The following SUPT3H variants were observed in gnomAD, a reference collection of about 807,000 sequenced individuals.
SUPT3H encodes transcription initiation protein SPT3 homolog.
Under a neutral mutation model 44.3 loss-of-function variants are expected in SUPT3H, and 44 were observed. The ratio of observed to expected loss-of-function variants is 0.99; its 90% CI spans 0.78 to 1.28. SUPT3H has a LOEUF of 1.28. Ranked by LOEUF, SUPT3H falls within the 50% of genes most tolerant of loss-of-function variation. The pLI, the probability that SUPT3H is intolerant of heterozygous loss-of-function variation, is 0.00. For synonymous variants in SUPT3H, 124 were observed against 125.6 expected, an observed-to-expected ratio of 0.99 and a Z score of 0.09; for missense variants, 380 against 387.1, an observed-to-expected ratio of 0.98 and a Z score of 0.15.
chr6:45,092,554 A>T (rs1797265914), intron 3 of SUPT3H, among the ~76,000 whole-genome samples: 2 of 152,158 alleles, frequency 1.3e-5, no homozygotes, highest in Non-Finnish European at 2.9e-5. Context: ...GTTCTAGACC[A>T]GCCTGGCCAA....
chr6:45,173,714 G>C (rs1411946983), intron 2 of SUPT3H, among the ~76,000 whole-genome samples: 6 of 152,286 alleles, frequency 3.9e-5, no homozygotes, highest in Middle Eastern at 3.4e-3. Context: ...TCAGCATAGA[G>C]CCAGAAAAGG....
intron 4 of SUPT3H, among the ~76,000 whole-genome samples, chr6:45,017,675 T>G (rs1424870459): frequency 2.7e-5 from 4 of 148,368 alleles, no homozygotes; most frequent in Non-Finnish European, 6.0e-5. Context: ...GCGTTATTTC[T>G]GAGGGCTCTG....
chr6:45,355,312 G>C (rs1394264424), intron 2 of SUPT3H, among the ~76,000 whole-genome samples: 1 of 151,944 alleles, frequency 6.6e-6, no homozygotes, highest in East Asian at 1.9e-4. Context: ...TGTTAATTAT[G>C]AACTTTCTGT....
intron 2 of SUPT3H, among the ~76,000 whole-genome samples, chr6:45,144,430 T>A (rs1285024): frequency 0.99 from 150,405 of 152,290 alleles, 74,309 homozygotes; most frequent in East Asian, 1. Flanking sequence ...ACAAATGCAG[T>A]AAACACATTT....
intron 3 of SUPT3H, among the ~76,000 whole-genome samples, chr6:45,054,620 T>A (rs1790831976): frequency 6.6e-6 from 1 of 152,140 alleles, no homozygotes. Context: ...GAGGAAAAGA[T>A]AAATCTTTTC....
chr6:45,220,545 C>T (rs1765862596), intron 2 of SUPT3H, among the ~76,000 whole-genome samples: 1 of 152,188 alleles, frequency 6.6e-6, no homozygotes, highest in Non-Finnish European at 1.5e-5. Context: ...CACTCTTTCT[C>T]AACATACTAC....
At chr6:45,208,995 C>T (rs1216183820) in intron 2 of SUPT3H, among the ~76,000 whole-genome samples, 3 of 152,084 alleles carry the variant, frequency 2.0e-5, no homozygotes, top group Non-Finnish European at 2.9e-5. Context: ...ATGTACTCTT[C>T]CTTTGCTCAG....
At chr6:45,055,903 G>A (rs992048348) in intron 3 of SUPT3H, among the ~76,000 whole-genome samples, 2 of 152,114 alleles carry the variant, frequency 1.3e-5, no homozygotes, top group African/African-American at 4.8e-5. Context: ...CAGAATGGGA[G>A]AAAATATTAG....
chr6:45,269,757 C>T (rs1775818366), intron 2 of SUPT3H, among the ~76,000 whole-genome samples: 1 of 152,164 alleles, frequency 6.6e-6, no homozygotes, highest in Admixed American at 6.5e-5. Flanking sequence ...GGTTATTGAT[C>T]ATTTAACAAT....
At chr6:45,140,989 T>C (rs1212891217) in intron 2 of SUPT3H, among the ~76,000 whole-genome samples, 1 of 152,178 alleles carries the variant, frequency 6.6e-6, no homozygotes, top group Non-Finnish European at 1.5e-5. Flanking sequence ...TATAAGATCA[T>C]AATGTTCACC....
At chr6:45,186,423 G>A (rs1441749375) in intron 2 of SUPT3H, among the ~76,000 whole-genome samples, 1 of 151,906 alleles carries the variant, frequency 6.6e-6, no homozygotes, top group Non-Finnish European at 1.5e-5. Context: ...TCAAAAAATG[G>A]AAAATCTCAG....
intron 6 of SUPT3H, among the ~76,000 whole-genome samples, chr6:44,962,208 A>G (rs1776130495): frequency 6.6e-6 from 1 of 152,228 alleles, no homozygotes; most frequent in African/African-American, 2.4e-5. Flanking sequence ...GTTCAATGTT[A>G]AACAAGAATC....
intron 2 of SUPT3H, among the ~76,000 whole-genome samples, chr6:45,148,833 G>A (rs572604401): frequency 3.3e-5 from 5 of 152,020 alleles, no homozygotes; most frequent in South Asian, 4.1e-4. Context: ...CCATTTTCCC[G>A]TAAGTCCTGT....
intron 10 of SUPT3H, among the ~76,000 whole-genome samples, chr6:44,888,333 TA>T (rs1248298344): frequency 6.6e-6 from 1 of 152,086 alleles, no homozygotes; most frequent in East Asian, 1.9e-4. Flanking sequence ...TTTAGACCAA[TA>T]TCCTTGATGA....
intron 2 of SUPT3H, among the ~76,000 whole-genome samples, chr6:45,310,504 C>T (rs938903663): frequency 6.6e-6 from 1 of 152,144 alleles, no homozygotes. Context: ...ACCACCAAAG[C>T]TAAGAACCCT....
intron 5 of SUPT3H, among the ~76,000 whole-genome samples, chr6:45,007,735 C>T (rs948488065): frequency 6.7e-6 from 1 of 149,618 alleles, no homozygotes; most frequent in African/African-American, 2.5e-5. Flanking sequence ...TATTCCCCCC[C>T]ACTTTTTTTT....
At chr6:44,889,685 T>C (rs1178327144) in intron 10 of SUPT3H, among the ~76,000 whole-genome samples, 2 of 152,120 alleles carry the variant, frequency 1.3e-5, no homozygotes, top group East Asian at 3.8e-4. Flanking sequence ...GCATTACTAT[T>C]CAGGACATAG....
chr6:44,869,128 C>G (rs1386980248), intron 10 of SUPT3H, among the ~76,000 whole-genome samples: 1 of 152,196 alleles, frequency 6.6e-6, no homozygotes, highest in African/African-American at 2.4e-5. Flanking sequence ...CAGAACATCT[C>G]TAGCAGTGCC....
intron 2 of SUPT3H, among the ~76,000 whole-genome samples, chr6:45,171,713 CTTTTT>C (rs777154020): frequency 2.1e-5 from 2 of 93,474 alleles, no homozygotes; most frequent in African/African-American, 8.9e-5. Context: ...ATTCCACTTG[CTTTTT>C]TTTTTTTTTT....
Sources: gnomAD v4.1 joint callset for allele counts (sites outside exome capture counted in the v4.1 genomes callset) on GRCh38, gnomAD v4.1.1 for gene constraint, MANE v1.5 for transcripts, NCBI Gene and HGNC (gene_info 2026-07-23, HGNC 2026-07-21) for gene names.